The following NUP98 variants were observed in gnomAD, a reference collection of about 807,000 sequenced individuals.
NUP98 encodes the protein nucleoporin 98 and 96 precursor.
A neutral mutation model predicts 191.9 loss-of-function variants in NUP98; 26 were observed. The observed-to-expected ratio is 0.14, with a 90% confidence interval of 0.10 to 0.19. NUP98 has a LOEUF of 0.19. Ranked by LOEUF, NUP98 falls within the 10% of genes least tolerant of loss-of-function variation. The pLI, the probability that NUP98 is intolerant of heterozygous loss-of-function variation, is 1.00. For synonymous variants in NUP98, 808 were observed against 778.4 expected (o/e 1.04, Z -0.63); for missense variants, 1,941 against 2,178.8 (o/e 0.89, Z 2.17).
chr11:3,699,459 A>G lies in NUP98; in HGVS notation c.3743-111T>C. 4.2e-6 allele frequency: 5 copies of G among 1,187,250 alleles called. No homozygotes were observed. In the South Asian group the frequency reaches 7.2e-5, roughly 17 times the overall value. The allele number at this position is 1,187,250 out of a possible 1,614,324, so 73.5% of individuals were successfully genotyped here. The stretch of plus-strand genomic sequence containing the variant: ...AATACATAAATTAATAGACATCTCA[A>G]ACAACCACTCAAGCTGATTACCCTG... On this transcript the variant is annotated intron_variant, in intron 24 of 32. Transcript: ENST00000324932.
intron 10 of NUP98, 64 bp downstream of exon 10, chr11:3,760,475 T>A (rs2081127661): frequency 1.2e-6 from 2 of 1,613,416 alleles, no homozygotes; most frequent in African/African-American, 2.7e-5. Context: ...CCAAACCTGC[T>A]TTTTATATGT....
At chr11:3,747,843 T>A (rs2080565560) in intron 11 of NUP98, among the ~76,000 whole-genome samples, 1 of 152,112 alleles carries the variant, frequency 6.6e-6, no homozygotes, top group Admixed American at 6.6e-5. Context: ...TTCAGGAACG[T>A]GGGTGTTTAT....
chr11:3,760,277 G>A (rs1481074115), intron 10 of NUP98: 17 of 506,994 alleles, frequency 3.4e-5, no homozygotes, highest in Admixed American at 1.1e-4. Flanking sequence ...AGCTATTGCT[G>A]AAGTAATCCA....
chr11:3,725,757 A>G (rs2079593853), intron 14 of NUP98, among the ~76,000 whole-genome samples: 1 of 152,212 alleles, frequency 6.6e-6, no homozygotes, highest in Non-Finnish European at 1.5e-5. Flanking sequence ...GAAGTAAAAA[A>G]TCCTGTTATC....
Position 3,797,508 on chromosome 11 carries a change from T to C in NUP98, c.-137A>G, listed in dbSNP as rs912148023. 3.4e-5 allele frequency: 15 copies of C among 444,332 alleles called. No homozygotes were observed. Among genetic ancestry groups the C allele is most frequent in the Non-Finnish European group, 5.5e-5 (14 of 253,168 alleles). The allele number at this position is 444,332 out of a possible 1,614,324, so 27.5% of individuals were successfully genotyped here. On this transcript the variant is annotated 5_prime_UTR_variant, in exon 1 of 33. Transcript: ENST00000324932. Reference sequence around the variant, plus strand: ...CCGTCGCCGCCGCCGCTACCACCCCTGCCACCGACCGCCGCTTCGGGCGCA... The same window carrying C: ...CCGTCGCCGCCGCCGCTACCACCCCCGCCACCGACCGCCGCTTCGGGCGCA...
intron 11 of NUP98, among the ~76,000 whole-genome samples, chr11:3,751,018 G>C (rs948052755): frequency 6.6e-6 from 1 of 152,058 alleles, no homozygotes; most frequent in Non-Finnish European, 1.5e-5. Context: ...ATGCACCTCA[G>C]TCTCTGGCTT....
intron 5 of NUP98, 64 bp downstream of exon 5, chr11:3,775,818 C>T: frequency 6.6e-7 from 1 of 1,509,704 alleles, no homozygotes. Context: ...TTTTACAATT[C>T]ATCCTGCAAA....
intron 1 of NUP98, among the ~76,000 whole-genome samples, chr11:3,796,035 T>C (rs981072360): frequency 1.9e-4 from 29 of 152,242 alleles, no homozygotes; most frequent in African/African-American, 6.8e-4. Context: ...ACCTCTAGTT[T>C]TGGTTTTTAA....
chr11:3,750,489 C>A (rs2134423194), intron 11 of NUP98, among the ~76,000 whole-genome samples: 2 of 152,294 alleles, frequency 1.3e-5, no homozygotes, highest in South Asian at 4.1e-4. Context: ...TCACAGAACA[C>A]TATGTAAGAC....
chr11:3,724,295 C>T (rs1207861783), intron 15 of NUP98, among the ~76,000 whole-genome samples: 6 of 151,294 alleles, frequency 4.0e-5, no homozygotes, highest in Non-Finnish European at 4.4e-5. Flanking sequence ...ATTAGCTGGG[C>T]GTGGAGGTGC....
rs769002543 is a variant in NUP98, at chr11:3,693,382, G to A, written c.4168-7C>T. ...TTTCTGAGAGCTGCCACACCTGTGC[G>A]AAACAAAATCATCACCATGGCTATA... On this transcript the variant is annotated splice_polypyrimidine_tract_variant and splice_region_variant and intron_variant, in intron 26 of 32. Coordinates refer to ENST00000324932, the MANE Select transcript of NUP98 (RefSeq NM_016320.5). 28 of 1,613,548 alleles carry A rather than the reference G, an allele frequency of 1.7e-5. No individual in the cohort carries two copies. The highest frequency in any genetic ancestry group is 1.0e-4 in the Admixed American group (6 of 59,960).
intron 31 of NUP98, among the ~76,000 whole-genome samples, chr11:3,677,904 A>C (rs1389673647): frequency 1.3e-5 from 2 of 152,242 alleles, no homozygotes; most frequent in Non-Finnish European, 2.9e-5. Flanking sequence ...ACAATTATTA[A>C]GCATTTAGTA....
intron 1 of NUP98, among the ~76,000 whole-genome samples, chr11:3,790,115 A>G (rs2082284911): frequency 6.6e-6 from 1 of 152,134 alleles, no homozygotes; most frequent in African/African-American, 2.4e-5. Flanking sequence ...GAGTGTGCAA[A>G]TACTAGTAAG....
chr11:3,699,894 T>C (rs2078624047), intron 24 of NUP98, among the ~76,000 whole-genome samples: 1 of 152,214 alleles, frequency 6.6e-6, no homozygotes. Flanking sequence ...CTGTTTGAAA[T>C]ATTAATAAAT....
Position 3,718,083 on chromosome 11 carries a change from T to C in NUP98, c.2399+1329A>G, listed in dbSNP as rs2079250475. ...ACTGAATAAGGTAACGCTTGCCTCA[T>C]AGAATGAGTGTGAAAGTATTCCCTT... is the stretch of plus-strand genomic sequence containing the variant. On this transcript the variant is annotated intron_variant, in intron 18 of 32. Coordinates refer to ENST00000324932, the MANE Select transcript of NUP98 (RefSeq NM_016320.5). Among the ~76,000 whole-genome samples, 3 of 152,204 alleles carry C rather than the reference T, an allele frequency of 2.0e-5. No individual in the cohort carries two copies. In the South Asian group the frequency reaches 6.2e-4, roughly 31 times the overall value.
intron 10 of NUP98, among the ~76,000 whole-genome samples, chr11:3,759,714 C>T (rs2081100138): frequency 6.6e-6 from 1 of 151,926 alleles, no homozygotes; most frequent in Non-Finnish European, 1.5e-5. Flanking sequence ...CTGTATTTTC[C>T]AGATTTTCAA....
intron 26 of NUP98, among the ~76,000 whole-genome samples, chr11:3,693,997 G>C (rs567431832): frequency 6.6e-6 from 1 of 151,856 alleles, no homozygotes; most frequent in African/African-American, 2.4e-5. Context: ...TTGGGAGGCC[G>C]AGGTGGTCGG....
intron 11 of NUP98, among the ~76,000 whole-genome samples, chr11:3,749,422 CG>C (rs2080654649): frequency 6.6e-6 from 1 of 152,106 alleles, no homozygotes; most frequent in Admixed American, 6.6e-5. Context: ...GTCAGGAGTT[CG>C]ACACCAGCCT....
In NUP98 at chr11:3,683,167, G is replaced by T. The variant is rs746542016; in HGVS notation, c.4918+33C>A. On this transcript the variant is annotated intron_variant, in intron 30 of 32. Coordinates refer to ENST00000324932, the MANE Select transcript of NUP98 (RefSeq NM_016320.5). ...GGTTCAGAGGTTGGAGGAATTTGGGGTGATTCCAGGAGATGTGGAACCCAG... is the reference window on the plus strand; with the variant it reads ...GGTTCAGAGGTTGGAGGAATTTGGGTTGATTCCAGGAGATGTGGAACCCAG... The T allele has an allele frequency of 1.9e-6, 3 of 1,611,828 alleles. No homozygotes were observed. The South Asian group carries it at 3.3e-5, about 18-fold the overall frequency.
Sources: gnomAD v4.1 joint callset for allele counts (sites outside exome capture counted in the v4.1 genomes callset) on GRCh38, gnomAD v4.1.1 for gene constraint, MANE v1.5 for transcripts, NCBI Gene and HGNC (gene_info 2026-07-23, HGNC 2026-07-21) for gene names.